The following GABRB2 variants were observed in gnomAD, a reference collection of about 807,000 sequenced individuals.
GABRB2 encodes gamma-aminobutyric acid type A receptor subunit beta2, also known as gamma-aminobutyric acid receptor subunit beta-2.
Under a neutral mutation model 54.7 loss-of-function variants are expected in GABRB2, and 16 were observed. That is an observed-to-expected ratio of 0.29 (90% CI 0.20 to 0.44). GABRB2 has a LOEUF of 0.44. GABRB2 is among the 20% of genes least tolerant of loss of function. The pLI, the probability that GABRB2 is intolerant of heterozygous loss-of-function variation, is 1.00. For missense variants in GABRB2, 355 were observed against 644.0 expected (o/e 0.55, Z 4.86); for synonymous variants, 244 against 233.8 (o/e 1.04, Z -0.40).
At chr5:161,398,372 A>G (rs1489262378) in intron 5 of GABRB2, among the ~76,000 whole-genome samples, 1 of 152,212 alleles carries the variant, frequency 6.6e-6, no homozygotes, top group Non-Finnish European at 1.5e-5. Context: ...ATAGTAGTCA[A>G]AGCACTTAGC....
chr5:161,423,602 A>C (rs2113152535), intron 4 of GABRB2, among the ~76,000 whole-genome samples: 1 of 152,208 alleles, frequency 6.6e-6, no homozygotes, highest in South Asian at 2.1e-4. Flanking sequence ...AACTTAATAG[A>C]ATGTTTGTTT....
chr5:161,371,765 A>G (rs1580926272), intron 5 of GABRB2, among the ~76,000 whole-genome samples: 1 of 152,166 alleles, frequency 6.6e-6, no homozygotes, highest in East Asian at 1.9e-4. Flanking sequence ...TCTGTAGCCC[A>G]GGCTGGAGTG....
chr5:161,379,289 G>A (rs775699860), intron 5 of GABRB2, among the ~76,000 whole-genome samples: 2 of 152,066 alleles, frequency 1.3e-5, no homozygotes, highest in African/African-American at 2.4e-5. Flanking sequence ...TGTGGACATT[G>A]ATACTCATTT....
At chr5:161,328,239 C>T (rs1367738381) in intron 8 of GABRB2, among the ~76,000 whole-genome samples, 3 of 152,110 alleles carry the variant, frequency 2.0e-5, no homozygotes, top group Non-Finnish European at 1.5e-5. Context: ...CTACTGCATT[C>T]CACATGGTAG....
intron 5 of GABRB2, among the ~76,000 whole-genome samples, chr5:161,380,961 T>C (rs1249622816): frequency 6.6e-6 from 1 of 152,162 alleles, no homozygotes; most frequent in East Asian, 1.9e-4. Flanking sequence ...CAGATCTTTA[T>C]GTGACTTCAT....
At chr5:161,500,413 C>T (rs890417204) in intron 3 of GABRB2, among the ~76,000 whole-genome samples, 3 of 152,016 alleles carry the variant, frequency 2.0e-5, no homozygotes, top group African/African-American at 4.8e-5. Context: ...CCTTAGGGTT[C>T]TGGTAAATGG....
At chr5:161,485,036 C>A (rs1396290073) in intron 3 of GABRB2, among the ~76,000 whole-genome samples, 2 of 151,960 alleles carry the variant, frequency 1.3e-5, no homozygotes, top group African/African-American at 4.8e-5. Flanking sequence ...TTTGCATAAG[C>A]TGTTTCTTCT....
At chr5:161,351,968 T>C (rs769342351) in intron 5 of GABRB2, among the ~76,000 whole-genome samples, 1 of 152,030 alleles carries the variant, frequency 6.6e-6, no homozygotes, top group Non-Finnish European at 1.5e-5. Flanking sequence ...ATCTCACTAA[T>C]CATCAGAGAA....
Position 161,288,986 on chromosome 5 carries a change from A to G in GABRB2, c.*5095T>C, listed in dbSNP as rs531064675. ...CAAAAACAAACTGATGGAACTGTCA[A>G]CTTGCTTCAAATGGCGCAAGGACAC... On this transcript the variant is annotated 3_prime_UTR_variant, in exon 10 of 10. Transcript: ENST00000393959. The G allele has an allele frequency of 3.3e-5, 5 of 152,308 alleles. No homozygotes were observed. The highest frequency in any genetic ancestry group is 7.4e-5 in the Non-Finnish European group (5 of 68,020). The allele number at this position is 152,308 out of a possible 1,614,324, so 9.4% of individuals were successfully genotyped here.
intron 5 of GABRB2, among the ~76,000 whole-genome samples, chr5:161,371,161 TA>T (rs879556909): frequency 8.5e-5 from 13 of 152,154 alleles, no homozygotes; most frequent in Non-Finnish European, 1.8e-4. Flanking sequence ...CAGGGTGGAT[TA>T]CAAGGCTGTT....
At chr5:161,534,305 T>A (rs1760561561) in intron 3 of GABRB2, among the ~76,000 whole-genome samples, 1 of 152,150 alleles carries the variant, frequency 6.6e-6, no homozygotes, top group South Asian at 2.1e-4. Context: ...AAGAGAGAAT[T>A]ATCTGGCTCC....
chr5:161,390,243 T>G, intron 5 of GABRB2, among the ~76,000 whole-genome samples: 1 of 152,076 alleles, frequency 6.6e-6, no homozygotes, highest in East Asian at 1.9e-4. Flanking sequence ...TGTACTTTCT[T>G]AAATAAGTAA....
chr5:161,531,727 GA>G (rs1760469439), intron 3 of GABRB2, among the ~76,000 whole-genome samples: 1 of 149,630 alleles, frequency 6.7e-6, no homozygotes, highest in Non-Finnish European at 1.5e-5. Context: ...TTTTCTATGA[GA>G]AATTAAAAAA....
chr5:161,316,439 G>A (rs747608684), intron 9 of GABRB2, among the ~76,000 whole-genome samples: 3 of 152,256 alleles, frequency 2.0e-5, no homozygotes, highest in South Asian at 2.1e-4. Context: ...CAAGAAAGGC[G>A]GTCAGCATGG....
chr5:161,525,133 G>T (rs995404471), intron 3 of GABRB2, among the ~76,000 whole-genome samples: 25 of 151,310 alleles, frequency 1.7e-4, no homozygotes, highest in African/African-American at 6.0e-4. Context: ...GAGTGCAAAA[G>T]CAAGCATAGA....
chr5:161,506,591 T>C (rs1759613012), intron 3 of GABRB2, among the ~76,000 whole-genome samples: 1 of 152,178 alleles, frequency 6.6e-6, no homozygotes, highest in Non-Finnish European at 1.5e-5. Context: ...TCTATGGCTA[T>C]TGTCATGCTA....
At chr5:161,370,381 C>G (rs185576609) in intron 5 of GABRB2, among the ~76,000 whole-genome samples, 18 of 152,246 alleles carry the variant, frequency 1.2e-4, no homozygotes, top group Admixed American at 3.9e-4. Context: ...CTAGCTTCTG[C>G]AGAAGTAGAG....
chr5:161,420,196 A>G (rs1421416409), intron 4 of GABRB2, among the ~76,000 whole-genome samples: 1 of 152,126 alleles, frequency 6.6e-6, no homozygotes, highest in East Asian at 1.9e-4. Context: ...CAAGTTTATC[A>G]GTTTTATCCC....
At chr5:161,464,808 T>C (rs1758228466) in intron 3 of GABRB2, among the ~76,000 whole-genome samples, 1 of 152,052 alleles carries the variant, frequency 6.6e-6, no homozygotes, top group African/African-American at 2.4e-5. Context: ...AGGATACATA[T>C]TGTATCATTC....
Sources: allele counts gnomAD v4.1 joint callset (sites outside exome capture counted in the v4.1 genomes callset), GRCh38; gene constraint gnomAD v4.1.1; transcripts MANE v1.5; gene names NCBI Gene and HGNC (gene_info 2026-07-23, HGNC 2026-07-21).